The following NLGN1 variants were observed in gnomAD, a reference collection of about 807,000 sequenced individuals.
NLGN1 encodes neuroligin 1.
In NLGN1, 12 loss-of-function variants were observed where a neutral mutation model predicts 65.5. The ratio of observed to expected loss-of-function variants is 0.18; its 90% CI spans 0.12 to 0.30. The LOEUF (loss-of-function observed/expected upper bound fraction) is 0.30. Ranked by LOEUF, NLGN1 falls within the 10% of genes least tolerant of loss-of-function variation. The pLI is 1.00. For missense variants in NLGN1, 750 were observed against 1,007.1 expected (o/e 0.74, Z 3.46); for synonymous variants, 350 against 359.5 (o/e 0.97, Z 0.30).
intron 4 of NLGN1, among the ~76,000 whole-genome samples, chr3:174,135,688 GTGC>G (rs529337910): frequency 1.4e-3 from 212 of 152,250 alleles, no homozygotes; most frequent in African/African-American, 4.9e-3. Flanking sequence ...ACAGGATCCA[GTGC>G]TGGAATCGTC....
intron 4 of NLGN1, among the ~76,000 whole-genome samples, chr3:174,007,471 T>A (rs1005137420): frequency 3.9e-5 from 6 of 152,176 alleles, no homozygotes; most frequent in Non-Finnish European, 7.4e-5. Flanking sequence ...CAAAACCACA[T>A]TGCCTGAATC....
chr3:173,455,307 C>T (rs1049669645), intron 2 of NLGN1, among the ~76,000 whole-genome samples: 13 of 151,982 alleles, frequency 8.6e-5, no homozygotes, highest in African/African-American at 2.4e-4. Context: ...TCTTTTAAAC[C>T]GTGAAATCTC....
intron 4 of NLGN1, among the ~76,000 whole-genome samples, chr3:173,955,273 C>T (rs1435116490): frequency 6.6e-6 from 1 of 152,158 alleles, no homozygotes; most frequent in Non-Finnish European, 1.5e-5. Context: ...TGTGAACCAT[C>T]TTTTGCTGAT....
chr3:173,636,925 T>C (rs1479251492), intron 3 of NLGN1, among the ~76,000 whole-genome samples: 1 of 152,154 alleles, frequency 6.6e-6, no homozygotes, highest in Non-Finnish European at 1.5e-5. Context: ...TATCTCCTTA[T>C]AAGACAGTGC....
chr3:174,275,094 G>A (rs992247429), intron 4 of NLGN1, among the ~76,000 whole-genome samples: 10 of 151,764 alleles, frequency 6.6e-5, no homozygotes, highest in African/African-American at 2.4e-4. Context: ...ACCTGGATAA[G>A]TTGGGAGGCA....
intron 2 of NLGN1, among the ~76,000 whole-genome samples, chr3:173,479,429 A>G (rs540223113): frequency 6.6e-6 from 1 of 152,342 alleles, no homozygotes; most frequent in South Asian, 2.1e-4. Flanking sequence ...CTGGTTCCAT[A>G]GAGCTGGATA....
chr3:173,758,058 G>A (rs564265461), intron 3 of NLGN1, among the ~76,000 whole-genome samples: 10 of 151,966 alleles, frequency 6.6e-5, no homozygotes, highest in Admixed American at 1.3e-4. Flanking sequence ...GTATGAGGTC[G>A]TAAGAGTAGG....
At chr3:174,138,950 A>G (rs1360369943) in intron 4 of NLGN1, among the ~76,000 whole-genome samples, 1 of 152,204 alleles carries the variant, frequency 6.6e-6, no homozygotes, top group Admixed American at 6.5e-5. Context: ...ACTTCTTTAA[A>G]TTTAAACTTA....
At chr3:173,534,594 C>T (rs1737139235) in intron 2 of NLGN1, among the ~76,000 whole-genome samples, 1 of 152,170 alleles carries the variant, frequency 6.6e-6, no homozygotes, top group Non-Finnish European at 1.5e-5. Flanking sequence ...AGGGCAGGAG[C>T]TATAATAGTA....
intron 4 of NLGN1, among the ~76,000 whole-genome samples, chr3:173,990,794 A>T (rs1248907769): frequency 6.6e-6 from 1 of 152,176 alleles, no homozygotes. Flanking sequence ...GAAAGATATT[A>T]ATTCTATATT....
intron 2 of NLGN1, among the ~76,000 whole-genome samples, chr3:173,475,418 G>C (rs557943202): frequency 6.6e-6 from 1 of 151,994 alleles, no homozygotes; most frequent in African/African-American, 2.4e-5. Context: ...TGATTACTGA[G>C]CTCTCTAACA....
intron 2 of NLGN1, among the ~76,000 whole-genome samples, chr3:173,601,213 T>G (rs1450689416): frequency 6.6e-6 from 1 of 152,030 alleles, no homozygotes; most frequent in Non-Finnish European, 1.5e-5. Flanking sequence ...CTGGCCTTCT[T>G]ATTTTAATAC....
At chr3:173,766,088 CT>C (rs34830188) in intron 3 of NLGN1, among the ~76,000 whole-genome samples, 225 of 135,784 alleles carry the variant, frequency 1.7e-3, no homozygotes, top group South Asian at 2.1e-3. Flanking sequence ...TATGTTTTGT[CT>C]TTTTTTTTTT....
intron 4 of NLGN1, among the ~76,000 whole-genome samples, chr3:173,985,513 G>A (rs1248517365): frequency 1.3e-5 from 2 of 152,146 alleles, no homozygotes; most frequent in Non-Finnish European, 2.9e-5. Context: ...TATGCATTGA[G>A]TAAACAATAC....
intron 3 of NLGN1, among the ~76,000 whole-genome samples, chr3:173,787,181 G>A (rs972495192): frequency 6.6e-6 from 1 of 151,920 alleles, no homozygotes; most frequent in Admixed American, 6.6e-5. Context: ...GCTTCTCTTA[G>A]TGTATTTAAA....
At chr3:173,822,934 T>A (rs1048149639) in intron 4 of NLGN1, among the ~76,000 whole-genome samples, 2 of 152,188 alleles carry the variant, frequency 1.3e-5, no homozygotes, top group African/African-American at 4.8e-5. Context: ...TATAATAGTT[T>A]TTAAAAACCT....
intron 4 of NLGN1, among the ~76,000 whole-genome samples, chr3:174,154,170 C>G (rs1724909408): frequency 6.6e-6 from 1 of 151,776 alleles, no homozygotes; most frequent in African/African-American, 2.4e-5. Flanking sequence ...GCATTTTTTT[C>G]TTCTCAAAGT....
At chr3:173,763,410 A>G (rs779018923) in intron 3 of NLGN1, among the ~76,000 whole-genome samples, 2 of 152,166 alleles carry the variant, frequency 1.3e-5, no homozygotes, top group African/African-American at 2.4e-5. Context: ...GAAAAAAGAC[A>G]TGTAATTTCA....
chr3:174,009,563 A>G (rs1725112019), intron 4 of NLGN1, among the ~76,000 whole-genome samples: 1 of 152,190 alleles, frequency 6.6e-6, no homozygotes, highest in Non-Finnish European at 1.5e-5. Flanking sequence ...TGGTGGAGCG[A>G]GTACATGAAT....
Sources: gnomAD v4.1 joint callset for allele counts (sites outside exome capture counted in the v4.1 genomes callset) on GRCh38, gnomAD v4.1.1 for gene constraint, MANE v1.5 for transcripts, NCBI Gene and HGNC (gene_info 2026-07-23, HGNC 2026-07-21) for gene names.